Variants in DCC observed in about 807,000 individuals in gnomAD.
DCC encodes netrin receptor DCC.
A neutral mutation model predicts 172.5 loss-of-function variants in DCC; 58 were observed. The observed-to-expected ratio is 0.34, with a 90% CI of 0.27 to 0.42. The LOEUF is 0.42. Ranked by LOEUF, DCC falls within the 10% of genes least tolerant of loss-of-function variation. DCC has a pLI of 1.00. For missense variants in DCC, 1,740 were observed against 1,791.0 expected (o/e 0.97, Z 0.51); for synonymous variants, 709 against 644.5 (o/e 1.10, Z -1.52).
At chr18:52,462,370 A>G (rs1392251037) in intron 1 of DCC, among the ~76,000 whole-genome samples, 1 of 152,048 alleles carries the variant, frequency 6.6e-6, no homozygotes, top group Non-Finnish European at 1.5e-5. Flanking sequence ...AAGACATCAT[A>G]CAATCTGTGT....
intron 15 of DCC, among the ~76,000 whole-genome samples, chr18:53,379,540 G>A (rs150089662): frequency 1.2e-4 from 18 of 152,232 alleles, no homozygotes; most frequent in Non-Finnish European, 2.4e-4. Flanking sequence ...CTTACCTTCA[G>A]GGAAGCCTCA....
chr18:52,527,215 A>G (rs1399568319), intron 1 of DCC, among the ~76,000 whole-genome samples: 1 of 152,252 alleles, frequency 6.6e-6, no homozygotes, highest in Non-Finnish European at 1.5e-5. Context: ...TACTAGGTTT[A>G]GAGCAATTTG....
chr18:52,420,657 T>C (rs900116790), intron 1 of DCC, among the ~76,000 whole-genome samples: 6 of 151,960 alleles, frequency 3.9e-5, no homozygotes, highest in Non-Finnish European at 7.4e-5. Context: ...ATAGTAACAA[T>C]AGTAATTGAG....
At chr18:52,380,391 A>T (rs906989871) in intron 1 of DCC, among the ~76,000 whole-genome samples, 3 of 152,098 alleles carry the variant, frequency 2.0e-5, no homozygotes, top group African/African-American at 7.2e-5. Flanking sequence ...CCATCTTACC[A>T]GTTGAACCAA....
chr18:53,115,400 GGT>G (rs146534238), intron 7 of DCC, among the ~76,000 whole-genome samples: 1 of 150,948 alleles, frequency 6.6e-6, no homozygotes, highest in Admixed American at 6.6e-5. Context: ...TTAAAGTTGG[GGT>G]GTGTGTGTGT....
At chr18:52,929,543 T>C (rs894027645) in intron 5 of DCC, among the ~76,000 whole-genome samples, 35 of 152,130 alleles carry the variant, frequency 2.3e-4, no homozygotes, top group Admixed American at 2.3e-3. Flanking sequence ...CAAGCTGTTC[T>C]TTGAAAATGA....
chr18:53,454,594 A>G (rs1599168834), intron 23 of DCC, among the ~76,000 whole-genome samples: 1 of 152,194 alleles, frequency 6.6e-6, no homozygotes, highest in East Asian at 1.9e-4. Flanking sequence ...TTTAAATTTA[A>G]ACATGTAAAT....
intron 12 of DCC, among the ~76,000 whole-genome samples, chr18:53,279,662 A>C (rs1461677246): frequency 6.6e-6 from 1 of 151,150 alleles, no homozygotes; most frequent in East Asian, 1.9e-4. Context: ...AAAAAAAAAA[A>C]AACCTGTGAC....
rs563146922 is a variant in DCC, at chr18:53,146,818, C to T, written c.1262-10538C>T. ...TACATTTGTTATGGTGGATGAACATCTGTATCCTATGTTTTAGTATTCCAC... is the reference window on the plus strand; with the variant it reads ...TACATTTGTTATGGTGGATGAACATTTGTATCCTATGTTTTAGTATTCCAC... On this transcript the variant is annotated intron_variant, in intron 7 of 28. Coordinates refer to ENST00000442544, the MANE Select transcript of DCC (RefSeq NM_005215.4). Among the ~76,000 whole-genome samples the T allele has an allele frequency of 2.0e-5, 3 of 152,264 alleles. No individual in the cohort carries two copies. The East Asian group carries it at 5.8e-4, about 29-fold the overall frequency.
intron 27 of DCC, among the ~76,000 whole-genome samples, chr18:53,515,279 G>C (rs1204981404): frequency 6.6e-6 from 1 of 151,558 alleles, no homozygotes; most frequent in Non-Finnish European, 1.5e-5. Flanking sequence ...CAATAAATTA[G>C]GTATTGATGG....
At chr18:53,483,977 A>AGATAGAT (rs1555677890) in intron 25 of DCC, among the ~76,000 whole-genome samples, 15 of 150,476 alleles carry the variant, frequency 1.0e-4, no homozygotes, top group Non-Finnish European at 2.2e-4. Flanking sequence ...ATAGATAGAT[A>AGATAGAT]GATAGATAGA....
At chr18:53,120,511 C>T (rs1015855958) in intron 7 of DCC, among the ~76,000 whole-genome samples, 1 of 151,594 alleles carries the variant, frequency 6.6e-6, no homozygotes, top group African/African-American at 2.4e-5. Context: ...TTACATAATG[C>T]AATTTAAGTT....
chr18:52,809,916 C>T (rs575845613), intron 2 of DCC, among the ~76,000 whole-genome samples: 61 of 152,098 alleles, frequency 4.0e-4, no homozygotes, highest in Non-Finnish European at 6.9e-4. Context: ...TTTTAGTGAG[C>T]CCTCTACCTG....
At position 52,950,929 on chromosome 18, in the gene DCC, C is replaced by CAA. The variant is rs755118442; in HGVS notation, c.985+25600_985+25601dup. 3.9e-3 allele frequency among the ~76,000 whole-genome samples: 223 copies of CAA among 57,414 alleles called. 49 individuals carry two copies. Among genetic ancestry groups the CAA allele is most frequent in the African/African-American group, 6.8e-3 (106 of 15,502 alleles). 37.7% of individuals were successfully genotyped at this position (57,414 alleles called of 152,430 possible). On this transcript the variant is annotated intron_variant, in intron 5 of 28. Coordinates refer to ENST00000442544, the MANE Select transcript of DCC (RefSeq NM_005215.4). Reference sequence around the variant, plus strand: ...TGGGCGACAGAGTGAGACTCCGTCTCAAAAAAAAAAAAAAAAAAAAAAAAA... The same window carrying CAA: ...TGGGCGACAGAGTGAGACTCCGTCTCAAAAAAAAAAAAAAAAAAAAAAAAAAA...
intron 14 of DCC, among the ~76,000 whole-genome samples, chr18:53,334,250 A>C (rs2057566329): frequency 6.6e-6 from 1 of 152,156 alleles, no homozygotes; most frequent in African/African-American, 2.4e-5. Context: ...CAATGAGACC[A>C]CACTTCACAC....
At chr18:52,794,103 T>G (rs1178662285) in intron 2 of DCC, among the ~76,000 whole-genome samples, 1 of 152,230 alleles carries the variant, frequency 6.6e-6, no homozygotes, top group Non-Finnish European at 1.5e-5. Context: ...CTTTTTCCAT[T>G]TTGCTCAGTA....
intron 2 of DCC, among the ~76,000 whole-genome samples, chr18:52,881,480 T>C (rs1598894474): frequency 6.6e-6 from 1 of 152,230 alleles, no homozygotes; most frequent in African/African-American, 2.4e-5. Flanking sequence ...TTTCATAGAT[T>C]GAAGTCTTAC....
At chr18:52,577,296 G>A (rs1015434992) in intron 1 of DCC, among the ~76,000 whole-genome samples, 3 of 152,118 alleles carry the variant, frequency 2.0e-5, no homozygotes, top group African/African-American at 7.2e-5. Flanking sequence ...CTTTTAATTT[G>A]CATTTACTAA....
intron 2 of DCC, among the ~76,000 whole-genome samples, chr18:52,862,508 G>A (rs531335681): frequency 6.6e-6 from 1 of 152,136 alleles, no homozygotes; most frequent in South Asian, 2.1e-4. Flanking sequence ...TTGGAGACCA[G>A]CCTGTATGCT....
Sources: gnomAD v4.1 joint callset for allele counts (sites outside exome capture counted in the v4.1 genomes callset) on GRCh38, gnomAD v4.1.1 for gene constraint, MANE v1.5 for transcripts, NCBI Gene and HGNC (gene_info 2026-07-23, HGNC 2026-07-21) for gene names.